NPEPL1: variants seen among roughly 807,000 people sequenced by gnomAD.
NPEPL1 encodes the protein aminopeptidase like 1.
NPEPL1 carries 45 observed loss-of-function variants against 52.4 expected under a neutral mutation model. The ratio of observed to expected loss-of-function variants is 0.86; its 90% confidence interval spans 0.68 to 1.10. NPEPL1 has a LOEUF of 1.10. Ranked by LOEUF, NPEPL1 falls within the 50% of genes least tolerant of loss-of-function variation. The pLI, the probability that NPEPL1 is intolerant of heterozygous loss-of-function variation, is 0.00. For synonymous variants in NPEPL1, 360 were observed against 314.7 expected (o/e 1.14, Z -1.52); for missense variants, 696 against 710.9 (o/e 0.98, Z 0.24).
chr20:58,700,910 G>T (rs754562864), intron 5 of NPEPL1, 106 bp from the exon 6 acceptor site: 4 of 1,201,780 alleles, frequency 3.3e-6, no homozygotes, highest in East Asian at 6.3e-5. Flanking sequence ...TCAGGCAGGC[G>T]GCTCTCCAGG....
rs375707556 is a variant in NPEPL1, at chr20:58,703,051, CCT to C, written c.822+1896_822+1897del. ...CGCACTCTCGTGTTTTATTTTGGGT[CCT>C]CTGTTTCGACACCGGGAGGTAGGAA... On this transcript the variant is annotated intron_variant, in intron 6 of 11. Transcript: ENST00000356091. Among the ~76,000 whole-genome samples the C allele has an allele frequency of 4.5e-4, 68 of 152,302 alleles. 1 individual carries two copies. In the South Asian group the frequency reaches 0.012, roughly 28 times the overall value.
At position 58,703,357 on chromosome 20, in the gene NPEPL1, C is replaced by CG. The variant is rs1448563280; in HGVS notation, c.822+2201dup. Reference sequence around the variant, plus strand: ...TATTGCTGACTTTGTTCAGAGATACCGGCACACGGTGGTAATAAGCAAACT... The same window carrying CG: ...TATTGCTGACTTTGTTCAGAGATACCGGGCACACGGTGGTAATAAGCAAACT... On this transcript the variant is annotated intron_variant, in intron 6 of 11. Transcript: ENST00000356091. 3 of 514,360 alleles carry CG rather than the reference C, an allele frequency of 5.8e-6. No individual in the cohort carries two copies. The African/African-American group carries it at 6.4e-5, about 11-fold the overall frequency. The allele number at this position is 514,360 out of a possible 1,614,324, so 31.9% of individuals were successfully genotyped here.
chr20:58,714,036 C>G lies in NPEPL1; in HGVS notation c.1245C>G (p.Pro415=), dbSNP rs752876660. 1 of 1,539,608 alleles carries G rather than the reference C, an allele frequency of 6.5e-7. No individual in the cohort carries two copies. Among genetic ancestry groups the G allele is most frequent in the East Asian group, 2.5e-5 (1 of 40,400 alleles). ...GDLVHPLVYC[P]ELHFSEFTSA... ...TGGTGCACCCGCTGGTCTACTGCCC[C>G]GAGCTGCACTTCAGCGAGTTCACCT... Residue 415 remains proline, a synonymous_variant, in exon 10 of 12, where the codon CCC becomes CCG. Transcript: ENST00000356091.
chr20:58,704,362 A>G, intron 6 of NPEPL1: 2 of 985,430 alleles, frequency 2.0e-6, no homozygotes, highest in Non-Finnish European at 2.4e-6. Flanking sequence ...CAGGCCTCAA[A>G]TGCATTACTG....
chr20:58,714,821 C>T, intron 11 of NPEPL1, 151 bp downstream of exon 11: 1 of 662,450 alleles, frequency 1.5e-6, no homozygotes, highest in Non-Finnish European at 2.6e-6. Flanking sequence ...CCCCAGGTCT[C>T]ATCCTCCCTG....
upstream of NPEPL1, chr20:58,689,269 CTTTT>C (rs938932445): frequency 6.7e-6 from 1 of 149,262 alleles, no homozygotes; most frequent in Non-Finnish European, 1.5e-5. Context: ...CTTTTTCTTT[CTTTT>C]TTTTTTGTAG....
chr20:58,694,683 G>C (rs2084425835), intron 3 of NPEPL1, 91 bp downstream of exon 3: 1 of 1,314,164 alleles, frequency 7.6e-7, no homozygotes, highest in East Asian at 2.7e-5. Context: ...GCTTGTTGCG[G>C]GGGCAGGAGG....
intron 5 of NPEPL1, among the ~76,000 whole-genome samples, chr20:58,700,727 C>G (rs568142280): frequency 1.4e-3 from 214 of 152,360 alleles, no homozygotes; most frequent in African/African-American, 4.9e-3. Context: ...ATTCTGCAAT[C>G]CTGTTCTTTT....
intron 6 of NPEPL1, among the ~76,000 whole-genome samples, chr20:58,704,562 G>A (rs1286652308): frequency 6.6e-6 from 1 of 152,142 alleles, no homozygotes; most frequent in Non-Finnish European, 1.5e-5. Context: ...CTTCCAAAAT[G>A]AAAAAATAAT....
rs777865343 is a variant in NPEPL1 at position 58,693,921 on chromosome 20, T to C, written c.335T>C (p.Val112Ala). 6 of 1,587,928 alleles carry C rather than the reference T, an allele frequency of 3.8e-6. No homozygotes were observed. The Admixed American group carries it at 8.9e-5, about 24-fold the overall frequency. Residue 112 changes from valine (V) to alanine (A), a missense_variant and splice_region_variant, in exon 2 of 12, where the codon GTG becomes GCG. Transcript: ENST00000356091. ...CLPPGAHRCIVMVCEQPEVFA... is the reference protein window; with the variant it reads ...CLPPGAHRCIAMVCEQPEVFA... ...CCGCCCGGAGCGCATCGCTGCATTG[T>C]GGTGAGTGCTTCGAGAGGAGGCAGC...
At chr20:58,711,608 G>T (rs779027583) in intron 7 of NPEPL1, 1 of 152,494 alleles carries the variant, frequency 6.6e-6, no homozygotes. Flanking sequence ...AGGACTGAGC[G>T]GGGACCCAGG....
intron 6 of NPEPL1, 71 bp from the exon 7 acceptor site, chr20:58,707,052 T>TGGGGGGGGCCGGGGGGGGGGG: frequency 1.6e-6 from 2 of 1,257,902 alleles, no homozygotes; most frequent in East Asian, 4.2e-5. Flanking sequence ...CGGGTGGGGG[T>TGGGGGGGGCCGGGGGGGGGGG]GGGGGGCTTC....
chr20:58,703,784 G>A, intron 6 of NPEPL1: 1 of 850,966 alleles, frequency 1.2e-6, no homozygotes, highest in Non-Finnish European at 1.4e-6. Context: ...GGCCACAGCT[G>A]CACAGCCTTC....
intron 3 of NPEPL1, among the ~76,000 whole-genome samples, chr20:58,694,814 A>C (rs1166898639): frequency 6.6e-6 from 1 of 152,178 alleles, no homozygotes; most frequent in African/African-American, 2.4e-5. Context: ...GTATACAGGC[A>C]GTGTTTGTTG....
At chr20:58,701,944 C>T (rs1479041040) in intron 6 of NPEPL1, among the ~76,000 whole-genome samples, 1 of 152,172 alleles carries the variant, frequency 6.6e-6, no homozygotes. Flanking sequence ...CCCAGCAAGC[C>T]CTGCCCTCCT....
At chr20:58,695,166 GTGCATGTGTGGTGTGTGT>G (rs1329279868) in intron 3 of NPEPL1, among the ~76,000 whole-genome samples, 27 of 41,492 alleles carry the variant, frequency 6.5e-4, no homozygotes, top group African/African-American at 2.6e-3. Flanking sequence ...TGTGTGGTGT[GTGCATGTGTGGTGTGTGT>G]TGTTGTGTGT....
intron 1 of NPEPL1, chr20:58,693,495 C>T (rs1601090178): frequency 2.3e-6 from 1 of 443,048 alleles, no homozygotes; most frequent in East Asian, 3.6e-5. Flanking sequence ...AAAGCAGCCC[C>T]CAGCCTGGCC....
chr20:58,691,088 T>C (rs920012092), upstream of NPEPL1: 3 of 703,058 alleles, frequency 4.3e-6, no homozygotes, highest in Admixed American at 2.0e-5. Context: ...GTGGAAGTCC[T>C]ATTACATCTG....
At chr20:58,699,535 T>C (rs1162725934) in intron 5 of NPEPL1, among the ~76,000 whole-genome samples, 1 of 152,246 alleles carries the variant, frequency 6.6e-6, no homozygotes, top group East Asian at 1.9e-4. Context: ...GCCTGCAGCC[T>C]CTCCAGCGTC....
Sources: allele counts gnomAD v4.1 joint callset (sites outside exome capture counted in the v4.1 genomes callset), GRCh38; gene constraint gnomAD v4.1.1; transcripts MANE v1.5; gene names NCBI Gene and HGNC (gene_info 2026-07-23, HGNC 2026-07-21).